CPA6: variants seen among roughly 807,000 people sequenced by gnomAD.
CPA6 encodes carboxypeptidase A6.
Under a neutral mutation model 63.3 loss-of-function variants are expected in CPA6, and 58 were observed. That is an observed-to-expected ratio of 0.92 (90% confidence interval 0.74 to 1.14). CPA6 has a LOEUF of 1.14. CPA6 is among the 50% of genes most tolerant of loss of function. The pLI is 0.00. For missense variants in CPA6, 565 were observed against 526.6 expected, an observed-to-expected ratio of 1.07 and a Z score of -0.71; for synonymous variants, 185 against 179.0, an observed-to-expected ratio of 1.03 and a Z score of -0.27.
chr8:67,495,499 TG>T (rs1011097545), intron 6 of CPA6, among the ~76,000 whole-genome samples: 1 of 152,176 alleles, frequency 6.6e-6, no homozygotes, highest in Non-Finnish European at 1.5e-5. Flanking sequence ...TTTTTTTATA[TG>T]TTTTTTTCAC....
At chr8:67,519,383 A>T (rs1216306196) in intron 2 of CPA6, among the ~76,000 whole-genome samples, 1 of 152,168 alleles carries the variant, frequency 6.6e-6, no homozygotes, top group Non-Finnish European at 1.5e-5. Context: ...CTGCATCTCC[A>T]GTCTTGGAGG....
At chr8:67,556,289 A>T (rs1380798003) in intron 2 of CPA6, among the ~76,000 whole-genome samples, 1 of 151,982 alleles carries the variant, frequency 6.6e-6, no homozygotes, top group African/African-American at 2.4e-5. Flanking sequence ...TGGAGTCCCT[A>T]CAGATCCTCT....
In CPA6 at chr8:67,475,809, CTTTCTTTCCTTTCT is replaced by C. The variant is rs1563967478; in HGVS notation, c.838+7945_838+7958del. Among the ~76,000 whole-genome samples the C allele has an allele frequency of 6.9e-4, 33 of 48,088 alleles. 1 individual carries two copies. The highest frequency in any genetic ancestry group is 9.6e-4 in the Non-Finnish European group (25 of 26,106). 31.5% of individuals were successfully genotyped at this position (48,088 alleles called of 152,430 possible). On this transcript the variant is annotated intron_variant, in intron 8 of 10. Transcript: ENST00000297770. ...TCTTTCTTTCTTTCTTTCTTTCTTT[CTTTCTTTCCTTTCT>C]TTTCTTTCTTTCTTTCTTTCTTTCT...
chr8:67,652,731 C>G (rs1815878240), intron 1 of CPA6, among the ~76,000 whole-genome samples: 1 of 151,716 alleles, frequency 6.6e-6, no homozygotes, highest in African/African-American at 2.4e-5. Context: ...TGTGCAGAAG[C>G]TCTTTAGTTT....
chr8:67,621,568 C>T (rs370408143), intron 2 of CPA6, among the ~76,000 whole-genome samples: 9 of 152,218 alleles, frequency 5.9e-5, no homozygotes, highest in East Asian at 1.9e-4. Flanking sequence ...GGGCAAGTTA[C>T]TTAACTCTGT....
intron 1 of CPA6, among the ~76,000 whole-genome samples, chr8:67,736,574 C>G (rs139559561): frequency 6.6e-6 from 1 of 152,312 alleles, no homozygotes; most frequent in Non-Finnish European, 1.5e-5. Context: ...TACTCTGTTT[C>G]TAGACCTTTC....
intron 1 of CPA6, among the ~76,000 whole-genome samples, chr8:67,713,089 GTGTGTGTGTGTATATATATATATATA>G (rs1817299365): frequency 1.1e-5 from 1 of 88,238 alleles, no homozygotes; most frequent in Non-Finnish European, 2.2e-5. Flanking sequence ...GTGTATGTGT[GTGTGTGTGTGTATATATATATATATA>G]TATATATATA....
At chr8:67,632,271 A>G (rs1587653829) in intron 1 of CPA6, among the ~76,000 whole-genome samples, 1 of 151,932 alleles carries the variant, frequency 6.6e-6, no homozygotes, top group Non-Finnish European at 1.5e-5. Flanking sequence ...TGTGAGCTCA[A>G]GTGATCCTCC....
At chr8:67,608,520 A>G (rs918757614) in intron 2 of CPA6, among the ~76,000 whole-genome samples, 1 of 152,086 alleles carries the variant, frequency 6.6e-6, no homozygotes, top group Non-Finnish European at 1.5e-5. Flanking sequence ...CCATCACTCA[A>G]TTCAATTCCT....
chr8:67,551,188 A>G (rs935192871), intron 2 of CPA6, among the ~76,000 whole-genome samples: 1 of 152,060 alleles, frequency 6.6e-6, no homozygotes, highest in African/African-American at 2.4e-5. Flanking sequence ...TCTTTAATCC[A>G]TCTTGAGCTA....
intron 8 of CPA6, among the ~76,000 whole-genome samples, chr8:67,475,940 C>A (rs1256046220): frequency 8.1e-6 from 1 of 123,108 alleles, no homozygotes; most frequent in Admixed American, 8.7e-5. Flanking sequence ...CTTTCTCTTT[C>A]TTTCTCTGTC....
At chr8:67,693,712 A>T (rs1188052673) in intron 1 of CPA6, among the ~76,000 whole-genome samples, 1 of 152,218 alleles carries the variant, frequency 6.6e-6, no homozygotes, top group Admixed American at 6.5e-5. Context: ...ACCAGACCCC[A>T]AATCTGCTGG....
chr8:67,445,381 G>A (rs886882533), intron 8 of CPA6, among the ~76,000 whole-genome samples: 1 of 152,158 alleles, frequency 6.6e-6, no homozygotes, highest in African/African-American at 2.4e-5. Flanking sequence ...AATAGTAGAT[G>A]GGACTTCTGA....
Position 67,453,772 on chromosome 8 carries a change from A to G in CPA6, c.839-19532T>C, listed in dbSNP as rs576087847. Among the ~76,000 whole-genome samples the G allele has an allele frequency of 4.6e-5, 7 of 152,336 alleles. No individual in the cohort carries two copies. In the South Asian group the frequency reaches 1.4e-3, roughly 32 times the overall value. The stretch of plus-strand genomic sequence containing the variant: ...CTTTAACTGCATTTGTCAAAAACTT[A>G]GTATCCTGCATTAAAATTGTGTATA... On this transcript the variant is annotated intron_variant, in intron 8 of 10. Transcript: ENST00000297770.
chr8:67,693,708 C>T (rs543410670), intron 1 of CPA6, among the ~76,000 whole-genome samples: 5 of 152,198 alleles, frequency 3.3e-5, no homozygotes, highest in African/African-American at 7.2e-5. Flanking sequence ...CCTCACCAGA[C>T]CCCAAATCTG....
At chr8:67,475,641 A>G (rs1293436356) in intron 8 of CPA6, among the ~76,000 whole-genome samples, 1 of 152,152 alleles carries the variant, frequency 6.6e-6, no homozygotes, top group African/African-American at 2.4e-5. Context: ...GTTTGCAGGA[A>G]AAGGGAGCAA....
At chr8:67,454,381 C>G (rs1810624154) in intron 8 of CPA6, among the ~76,000 whole-genome samples, 1 of 152,066 alleles carries the variant, frequency 6.6e-6, no homozygotes, top group South Asian at 2.1e-4. Flanking sequence ...CAGATCTGGC[C>G]TTAGTTATGT....
intron 1 of CPA6, among the ~76,000 whole-genome samples, chr8:67,727,119 G>T (rs925768956): frequency 6.6e-6 from 1 of 151,582 alleles, no homozygotes; most frequent in Non-Finnish European, 1.5e-5. Context: ...TCATGCAGAA[G>T]AATTAGTAAA....
At chr8:67,617,437 G>A (rs999646033) in intron 2 of CPA6, among the ~76,000 whole-genome samples, 1 of 152,054 alleles carries the variant, frequency 6.6e-6, no homozygotes, top group Non-Finnish European at 1.5e-5. Flanking sequence ...GCTACAGAAG[G>A]CAAAAGTCAG....
Sources: gnomAD v4.1 joint callset for allele counts (sites outside exome capture counted in the v4.1 genomes callset) on GRCh38, gnomAD v4.1.1 for gene constraint, MANE v1.5 for transcripts, NCBI Gene and HGNC (gene_info 2026-07-23, HGNC 2026-07-21) for gene names.